DOCK4: variants seen among roughly 807,000 people sequenced by gnomAD.
DOCK4 encodes the protein dedicator of cytokinesis protein 4.
DOCK4 carries 97 observed loss-of-function variants against 268.1 expected under a neutral mutation model. The ratio of observed to expected loss-of-function variants is 0.36; its 90% CI spans 0.31 to 0.43. The LOEUF (loss-of-function observed/expected upper bound fraction) is 0.43, where lower values mean the gene tolerates loss of function less well. Ranked by LOEUF, DOCK4 falls within the 20% of genes least tolerant of loss-of-function variation. The pLI, the probability that DOCK4 is intolerant of heterozygous loss-of-function variation, is 1.00. For synonymous variants in DOCK4, 954 were observed against 887.2 expected, an observed-to-expected ratio of 1.08 and a Z score of -1.34; for missense variants, 2,145 against 2,455.7, an observed-to-expected ratio of 0.87 and a Z score of 2.67.
chr7:111,950,871 T>A (rs1302803106), intron 8 of DOCK4, among the ~76,000 whole-genome samples: 2 of 152,230 alleles, frequency 1.3e-5, no homozygotes, highest in East Asian at 3.8e-4. Flanking sequence ...TGATATGTTT[T>A]CAAATGAGAA....
chr7:112,071,354 T>C (rs1200336258), intron 1 of DOCK4, among the ~76,000 whole-genome samples: 2 of 152,162 alleles, frequency 1.3e-5, no homozygotes, highest in Admixed American at 1.3e-4. Flanking sequence ...CCCTCATGTA[T>C]ATTCCACAGC....
intron 42 of DOCK4, among the ~76,000 whole-genome samples, chr7:111,748,636 ACT>A (rs1796433684): frequency 1.3e-5 from 2 of 152,044 alleles, no homozygotes; most frequent in African/African-American, 4.8e-5. Flanking sequence ...TGAGCAACGG[ACT>A]CTCAATTACT....
rs541141072 is a variant in DOCK4 at position 112,055,839 on chromosome 7, C to G, written c.38-51708G>C. 2.6e-5 allele frequency among the ~76,000 whole-genome samples: 4 copies of G among 151,334 alleles called. No homozygotes were observed. The East Asian group carries it at 7.8e-4, about 30-fold the overall frequency. Reference sequence around the variant, plus strand: ...AGGAGAATTGCTTGAACCTGGGAGGCAGAGGCTGCAGTGAGCCAAGATTAT... The same window carrying G: ...AGGAGAATTGCTTGAACCTGGGAGGGAGAGGCTGCAGTGAGCCAAGATTAT... On this transcript the variant is annotated intron_variant, in intron 1 of 52. Coordinates refer to ENST00000428084, the MANE Select transcript of DOCK4 (RefSeq NM_001363540.2).
At chr7:111,919,728 CCA>C (rs1412235301) in intron 12 of DOCK4, among the ~76,000 whole-genome samples, 1 of 152,156 alleles carries the variant, frequency 6.6e-6, no homozygotes, top group Non-Finnish European at 1.5e-5. Context: ...CAGTGTTTGA[CCA>C]CAGTGTATCT....
intron 1 of DOCK4, among the ~76,000 whole-genome samples, chr7:112,005,196 A>T (rs1002811242): frequency 1.3e-5 from 2 of 152,232 alleles, no homozygotes; most frequent in Non-Finnish European, 2.9e-5. Flanking sequence ...ATTTAGATAT[A>T]ACTCCAATCC....
At chr7:111,926,615 G>C (rs570143680) in intron 12 of DOCK4, among the ~76,000 whole-genome samples, 1 of 150,698 alleles carries the variant, frequency 6.6e-6, no homozygotes, top group African/African-American at 2.5e-5. Flanking sequence ...GAGGTCAGGA[G>C]ATCGAGACTA....
chr7:112,032,553 T>C (rs537036594), intron 1 of DOCK4, among the ~76,000 whole-genome samples: 10 of 152,136 alleles, frequency 6.6e-5, no homozygotes, highest in Non-Finnish European at 1.3e-4. Context: ...AAGGAACCAA[T>C]GAAGGATCTG....
At chr7:111,920,251 T>C (rs1792991409) in intron 12 of DOCK4, among the ~76,000 whole-genome samples, 1 of 152,160 alleles carries the variant, frequency 6.6e-6, no homozygotes, top group African/African-American at 2.4e-5. Flanking sequence ...TTAATAATAA[T>C]ATACTGCATA....
chr7:111,741,616 C>T lies in DOCK4; in HGVS notation c.4843G>A (p.Gly1615Arg), dbSNP rs759637184. Residue 1615 changes from glycine (G) to arginine (R), a missense_variant, in exon 46 of 53, where the codon GGA becomes AGA. Physicochemically the swap from Gly to Arg is moderately radical, Grantham distance 125 (BLOSUM62 -2). Coordinates refer to ENST00000428084, the MANE Select transcript of DOCK4 (RefSeq NM_001363540.2). ...GAGTTTCTACACACACGAGGGCTTCCATTAGGAAAATGGACAGGACTGGCT... is the reference window on the plus strand; with the variant it reads ...GAGTTTCTACACACACGAGGGCTTCTATTAGGAAAATGGACAGGACTGGCT... ...MQASPVHFPNGSPRVCRNSAP... is the reference protein window; with the variant it reads ...MQASPVHFPNRSPRVCRNSAP... 1.2e-6 allele frequency: 2 copies of T among 1,613,570 alleles called. No homozygotes were observed. Among genetic ancestry groups the T allele is most frequent in the South Asian group, 2.2e-5 (2 of 90,958 alleles).
chr7:111,782,533 T>G (rs1345177266), intron 35 of DOCK4, among the ~76,000 whole-genome samples: 1 of 152,160 alleles, frequency 6.6e-6, no homozygotes, highest in Non-Finnish European at 1.5e-5. Context: ...GGGGATACAG[T>G]GCTTTTTGCT....
At position 111,817,400 on chromosome 7, in the gene DOCK4, A is replaced by ATTCCACCTTCCTTCCTG. The variant is rs541819312; in HGVS notation, c.2930+4945_2930+4961dup. ...CAAGTTTTCAGGGTCAGTGGCGCAT[A>ATTCCACCTTCCTTCCTG]TTCCACCTTCCTTCCTGTTATTATG... On this transcript the variant is annotated intron_variant, in intron 27 of 52. Coordinates refer to ENST00000428084, the MANE Select transcript of DOCK4 (RefSeq NM_001363540.2). Among the ~76,000 whole-genome samples, 593 of 152,200 alleles carry ATTCCACCTTCCTTCCTG rather than the reference A, an allele frequency of 3.9e-3. 1 individual carries two copies. Among genetic ancestry groups the ATTCCACCTTCCTTCCTG allele is most frequent in the Non-Finnish European group, 5.2e-3 (356 of 68,002 alleles).
At chr7:111,755,776 T>G (rs1796978069) in intron 41 of DOCK4, among the ~76,000 whole-genome samples, 175 bp from the exon 42 acceptor site, 1 of 152,254 alleles carries the variant, frequency 6.6e-6, no homozygotes, top group African/African-American at 2.4e-5. Context: ...AAGCTGATTT[T>G]AACAATTCCA....
At chr7:111,858,677 T>C (rs563024775) in intron 23 of DOCK4, among the ~76,000 whole-genome samples, 1 of 152,274 alleles carries the variant, frequency 6.6e-6, no homozygotes, top group East Asian at 1.9e-4. Flanking sequence ...ATATCATCAG[T>C]TCTTATGGGT....
chr7:112,096,185 C>CT (rs34454243), intron 1 of DOCK4, among the ~76,000 whole-genome samples: 56,285 of 150,794 alleles, frequency 0.37, 10,812 homozygotes, highest in Non-Finnish European at 0.43. Flanking sequence ...TTAGGGCATT[C>CT]TTTTTTTTTA....
rs1357486690 is a variant in DOCK4, at chr7:112,128,371, G to A, written c.37+77731C>T. ...GCCTCTGCCCGGCCGCCCCTACTGG[G>A]AAGTGAGGAGCCCCTCTGCCAGGCC... On this transcript the variant is annotated intron_variant, in intron 1 of 52. Coordinates refer to ENST00000428084, the MANE Select transcript of DOCK4 (RefSeq NM_001363540.2). 3.3e-5 allele frequency among the ~76,000 whole-genome samples: 5 copies of A among 152,090 alleles called. No homozygotes were observed. In the East Asian group the frequency reaches 7.8e-4, roughly 24 times the overall value.
At chr7:111,977,909 T>A (rs533134810) in intron 7 of DOCK4, among the ~76,000 whole-genome samples, 1 of 152,316 alleles carries the variant, frequency 6.6e-6, no homozygotes, top group African/African-American at 2.4e-5. Flanking sequence ...AGCATCTATG[T>A]CCACCTTCAA....
intron 28 of DOCK4, 83 bp from the exon 29 acceptor site, chr7:111,809,484 T>C: frequency 8.1e-7 from 1 of 1,233,042 alleles, no homozygotes; most frequent in Non-Finnish European, 1.2e-6. Flanking sequence ...TGGATTTGCT[T>C]CAAAAGTGGT....
chr7:111,750,437 C>T (rs1348473415), intron 42 of DOCK4, among the ~76,000 whole-genome samples: 5 of 152,136 alleles, frequency 3.3e-5, no homozygotes, highest in African/African-American at 1.2e-4. Flanking sequence ...TACAGAATGT[C>T]CCTGAGAAGC....
chr7:111,871,486 T>G (rs561406722), intron 20 of DOCK4, among the ~76,000 whole-genome samples: 2 of 152,318 alleles, frequency 1.3e-5, no homozygotes, highest in Non-Finnish European at 2.9e-5. Flanking sequence ...CTAAATTGCC[T>G]GAGGCCAGGG....
Sources: gnomAD v4.1 joint callset for allele counts (sites outside exome capture counted in the v4.1 genomes callset) on GRCh38, gnomAD v4.1.1 for gene constraint, MANE v1.5 for transcripts, NCBI Gene and HGNC (gene_info 2026-07-23, HGNC 2026-07-21) for gene names.